Variants in CNBD1 observed in about 807,000 individuals in gnomAD.
The protein encoded by CNBD1 is cyclic nucleotide binding domain containing 1, also known as cyclic nucleotide-binding domain-containing protein 1.
In CNBD1, 71 loss-of-function variants were observed where a neutral mutation model predicts 54.4. That is an observed-to-expected ratio of 1.30 (90% CI 1.08 to 1.59). The LOEUF (loss-of-function observed/expected upper bound fraction) is 1.59. CNBD1 is among the 40% of genes most tolerant of loss of function. The pLI is 0.00. For missense variants in CNBD1, 659 were observed against 518.0 expected (o/e 1.27, Z -2.64); for synonymous variants, 182 against 170.7 (o/e 1.07, Z -0.51).
At chr8:86,969,835 G>T (rs1274129623) in intron 4 of CNBD1, among the ~76,000 whole-genome samples, 2 of 151,168 alleles carry the variant, frequency 1.3e-5, no homozygotes, top group Non-Finnish European at 3.0e-5. Flanking sequence ...TATATAGTGT[G>T]TGTGCGTGCA....
intron 5 of CNBD1, among the ~76,000 whole-genome samples, chr8:87,222,221 A>G (rs1168450673): frequency 1.3e-5 from 2 of 152,168 alleles, no homozygotes; most frequent in African/African-American, 4.8e-5. Flanking sequence ...CTAAGGAAAA[A>G]AAAAGAGTTG....
chr8:87,315,441 C>G (rs1809365677), intron 8 of CNBD1, among the ~76,000 whole-genome samples: 1 of 151,790 alleles, frequency 6.6e-6, no homozygotes, highest in Non-Finnish European at 1.5e-5. Flanking sequence ...GTGCAGGCAT[C>G]TACTTGGCTT....
intron 1 of CNBD1, among the ~76,000 whole-genome samples, chr8:86,873,942 A>G (rs1201553422): frequency 1.3e-5 from 2 of 152,236 alleles, no homozygotes; most frequent in East Asian, 3.8e-4. Context: ...TAATTACAAT[A>G]CAACTATCAA....
At chr8:87,386,942 G>A (rs1378639722), downstream of CNBD1, among the ~76,000 whole-genome samples, 1 of 152,092 alleles carries the variant, frequency 6.6e-6, no homozygotes, top group African/African-American at 2.4e-5. Context: ...AAGAGAGTGG[G>A]GGCCAAAATT....
intron 1 of CNBD1, among the ~76,000 whole-genome samples, chr8:86,880,341 A>T (rs571010980): frequency 7.1e-5 from 3 of 42,342 alleles, no homozygotes; most frequent in African/African-American, 2.6e-4. Context: ...TAGAAAAAAT[A>T]AAAAAAAACG....
chr8:86,895,954 T>C (rs1178780115), intron 2 of CNBD1, among the ~76,000 whole-genome samples: 1 of 152,170 alleles, frequency 6.6e-6, no homozygotes, highest in Non-Finnish European at 1.5e-5. Context: ...TTAATTGTGT[T>C]GTTTGGTTTT....
intron 4 of CNBD1, among the ~76,000 whole-genome samples, chr8:87,121,653 A>T (rs1256164588): frequency 6.6e-6 from 1 of 151,660 alleles, no homozygotes; most frequent in Non-Finnish European, 1.5e-5. Context: ...ATCAGCAATT[A>T]CCCATTTGTT....
At chr8:87,341,984 C>A (rs962972089) in intron 8 of CNBD1, among the ~76,000 whole-genome samples, 2 of 152,106 alleles carry the variant, frequency 1.3e-5, no homozygotes, top group African/African-American at 2.4e-5. Flanking sequence ...ACAAACAAAA[C>A]TCATCTGGGC....
chr8:87,331,982 T>C (rs4961029), intron 8 of CNBD1, among the ~76,000 whole-genome samples: 57,974 of 151,234 alleles, frequency 0.38, 11,333 homozygotes, highest in Middle Eastern at 0.46. Context: ...AATGGGTAGA[T>C]TGCAAAAATT....
chr8:87,372,966 T>A (rs753600103), intron 10 of CNBD1, among the ~76,000 whole-genome samples: 3 of 151,858 alleles, frequency 2.0e-5, no homozygotes, highest in African/African-American at 4.8e-5. Flanking sequence ...CCTGTTTCTG[T>A]CTACCTTACA....
At chr8:87,276,625 A>G (rs879589716) in intron 6 of CNBD1, among the ~76,000 whole-genome samples, 156 of 151,882 alleles carry the variant, frequency 1.0e-3, no homozygotes, top group Non-Finnish European at 1.9e-3. Flanking sequence ...AGCTTGCCTC[A>G]GACCAGTCCC....
In CNBD1 at chr8:87,163,682, T is replaced by C. The variant is rs1812903934; in HGVS notation, c.432-42311T>C. ...TTTGTTTCCTGCAAATTTATTGAAT[T>C]TGCTTATTAGTTCTAACAGTTTTTT... On this transcript the variant is annotated intron_variant, in intron 4 of 10. Transcript: ENST00000518476. This position sits in a 1 kb window ranked among gnomAD's most constrained non-coding sequence, Gnocchi z 4.5. Among the ~76,000 whole-genome samples the C allele has an allele frequency of 6.6e-6, 1 of 151,930 alleles. No individual in the cohort carries two copies. The highest frequency in any genetic ancestry group is 6.6e-5 in the Admixed American group (1 of 15,222).
intron 8 of CNBD1, among the ~76,000 whole-genome samples, chr8:87,302,515 A>C (rs557014342): frequency 3.3e-5 from 5 of 151,964 alleles, no homozygotes; most frequent in African/African-American, 9.7e-5. Context: ...ATTTATGACA[A>C]ACCCACAGCC....
In CNBD1 at chr8:87,379,711, T is replaced by C. The variant is rs531027074; in HGVS notation, c.1304-2909T>C. On this transcript the variant is annotated intron_variant, in intron 10 of 10. Coordinates refer to ENST00000518476, the MANE Select transcript of CNBD1 (RefSeq NM_173538.3). ...CACTGTCAGAATACCAGTAATTTTTTTTAAGAAATACGTTTATAATATTTG... is the reference window on the plus strand; with the variant it reads ...CACTGTCAGAATACCAGTAATTTTTCTTAAGAAATACGTTTATAATATTTG... 1.5e-4 allele frequency among the ~76,000 whole-genome samples: 23 copies of C among 152,080 alleles called. No homozygotes were observed. The East Asian group carries it at 4.5e-3, about 29-fold the overall frequency.
intron 10 of CNBD1, among the ~76,000 whole-genome samples, chr8:87,363,991 A>T (rs1190967661): frequency 6.6e-6 from 1 of 151,596 alleles, no homozygotes; most frequent in Non-Finnish European, 1.5e-5. Context: ...TAAACGAATG[A>T]AAAAGTTTTA....
chr8:87,072,412 A>G (rs1267047843), intron 4 of CNBD1, among the ~76,000 whole-genome samples: 1 of 151,966 alleles, frequency 6.6e-6, no homozygotes, highest in African/African-American at 2.4e-5. Flanking sequence ...TGGTTTGTCT[A>G]TTTTGTTTAT....
At chr8:87,379,677 A>T (rs901456525) in intron 10 of CNBD1, among the ~76,000 whole-genome samples, 1 of 151,996 alleles carries the variant, frequency 6.6e-6, no homozygotes, top group African/African-American at 2.4e-5. Context: ...TAATGATGAA[A>T]CATTATTGCA....
rs191610015 is a variant in CNBD1 at position 87,353,779 on chromosome 8, C to G, written c.1296C>G (p.Asp432Glu). ...EVEMAIIEDK[D>E]LFVA The stretch of plus-strand genomic sequence containing the variant: ...AGATGGCAATCATTGAAGATAAGGA[C>G]CTATTTGGTAAATGCATAAATATCT... Residue 432 changes from aspartate (D) to glutamate (E), a missense_variant, in exon 10 of 11, where the codon GAC becomes GAG. Transcript: ENST00000518476. The G allele has an allele frequency of 6.3e-6, 10 of 1,599,386 alleles. No homozygotes were observed. The East Asian group carries it at 2.0e-4, about 32-fold the overall frequency.
chr8:87,118,223 G>A (rs994225785), intron 4 of CNBD1, among the ~76,000 whole-genome samples: 3 of 148,330 alleles, frequency 2.0e-5, no homozygotes, highest in South Asian at 2.1e-4. Flanking sequence ...GCTGAGGCAG[G>A]AGAATTGCTT....
Sources: allele counts gnomAD v4.1 joint callset (sites outside exome capture counted in the v4.1 genomes callset), GRCh38; gene constraint gnomAD v4.1.1; non-coding constraint Gnocchi (gnomAD v3.1); transcripts MANE v1.5; gene names NCBI Gene and HGNC (gene_info 2026-07-23, HGNC 2026-07-21).